The following EGFR variants were observed in gnomAD, a reference collection of about 807,000 sequenced individuals.
The protein encoded by EGFR is avian erythroblastic leukemia viral (v-erb-b) oncogene homolog.
A neutral mutation model predicts 143.0 loss-of-function variants in EGFR; 58 were observed. That is an observed-to-expected ratio of 0.41 (90% confidence interval 0.33 to 0.50). The LOEUF is 0.50. EGFR is among the 20% of genes least tolerant of loss of function. The pLI, the probability that EGFR is intolerant of heterozygous loss-of-function variation, is 0.39. For missense variants in EGFR, 1,307 were observed against 1,579.0 expected (o/e 0.83, Z 2.92); for synonymous variants, 613 against 594.4 (o/e 1.03, Z -0.45).
chr7:55,208,933 C>T lies in EGFR; in HGVS notation c.*3316C>T, dbSNP rs1788174333. 1 of 152,126 alleles carries T rather than the reference C, an allele frequency of 6.6e-6. No homozygotes were observed. The highest frequency in any genetic ancestry group is 2.4e-5 in the African/African-American group (1 of 41,430). The allele number at this position is 152,126 out of a possible 1,614,324, so 9.4% of individuals were successfully genotyped here. On this transcript the variant is annotated 3_prime_UTR_variant, in exon 28 of 28. Transcript: ENST00000275493. ...AGCACCCCCTGGTTATTGCAACATT[C>T]ATCAAAGTTTCTAGAACCTCTGGCC...
At chr7:55,182,368 C>T (rs1030310373) in intron 20 of EGFR, 8 of 152,356 alleles carry the variant, frequency 5.3e-5, no homozygotes, top group African/African-American at 1.4e-4. Flanking sequence ...CCCACCCGGC[C>T]TGGGCAGGTC....
At chr7:55,159,422 A>G (rs1785590651) in intron 11 of EGFR, among the ~76,000 whole-genome samples, 2 of 152,192 alleles carry the variant, frequency 1.3e-5, no homozygotes, top group Non-Finnish European at 2.9e-5. Flanking sequence ...CATCTGATAT[A>G]CACATTGGAC....
At chr7:55,042,348 T>C (rs902630774) in intron 1 of EGFR, among the ~76,000 whole-genome samples, 1 of 152,208 alleles carries the variant, frequency 6.6e-6, no homozygotes, top group Non-Finnish European at 1.5e-5. Context: ...ACATCCTTGC[T>C]GTCTGATTGA....
intron 1 of EGFR, among the ~76,000 whole-genome samples, chr7:55,053,959 A>T (rs1444049173): frequency 6.6e-6 from 1 of 152,166 alleles, no homozygotes; most frequent in Non-Finnish European, 1.5e-5. Flanking sequence ...GTCTCTGAGG[A>T]AGAGTTTTCA....
intron 1 of EGFR, among the ~76,000 whole-genome samples, chr7:55,132,567 A>G (rs1793909677): frequency 6.6e-6 from 1 of 152,210 alleles, no homozygotes; most frequent in Non-Finnish European, 1.5e-5. Flanking sequence ...ACTTGTAGGC[A>G]AGGTAGTCTT....
chr7:55,121,294 C>T (rs994335884), intron 1 of EGFR, among the ~76,000 whole-genome samples: 1 of 152,188 alleles, frequency 6.6e-6, no homozygotes, highest in Non-Finnish European at 1.5e-5. Context: ...CAGGAAAAGG[C>T]GGCTCTCTTC....
At position 55,077,518 on chromosome 7, in the gene EGFR, T is replaced by G. The variant is rs185620776; in HGVS notation, c.88+58153T>G. On this transcript the variant is annotated intron_variant, in intron 1 of 27. Coordinates refer to ENST00000275493, the MANE Select transcript of EGFR (RefSeq NM_005228.5). ...GACAGTGAAAAGTGTGTGTGTGTTG[T>G]GTGCCCTTTTGCACACCCTGCCTCA... Among the ~76,000 whole-genome samples the G allele has an allele frequency of 3.1e-3, 479 of 152,344 alleles. 4 individuals are homozygous for G. The highest frequency in any genetic ancestry group is 0.011 in the African/African-American group (465 of 41,580).
At chr7:55,157,425 G>C (rs1357752446) in intron 10 of EGFR, among the ~76,000 whole-genome samples, 1 of 152,264 alleles carries the variant, frequency 6.6e-6, no homozygotes. Flanking sequence ...AGCCAGGGGG[G>C]CGGCGGGAGA....
At chr7:55,125,127 G>T (rs144673665) in intron 1 of EGFR, among the ~76,000 whole-genome samples, 5 of 152,228 alleles carry the variant, frequency 3.3e-5, no homozygotes, top group Admixed American at 3.3e-4. Flanking sequence ...ACTCTCAGTG[G>T]TGGGACTCCA....
chr7:55,178,056 G>A (rs1584232393), intron 19 of EGFR, among the ~76,000 whole-genome samples: 2 of 152,240 alleles, frequency 1.3e-5, no homozygotes, highest in East Asian at 1.9e-4. Flanking sequence ...CGACACCCAC[G>A]CCCCCCGCTC....
intron 27 of EGFR, 57 bp downstream of exon 27, chr7:55,202,682 G>A (rs756359054): frequency 6.6e-7 from 1 of 1,509,908 alleles, no homozygotes; most frequent in Non-Finnish European, 9.0e-7. Flanking sequence ...CCACTCAGCA[G>A]CAGCCAGTCT....
chr7:55,163,914 G>C (rs764098116), intron 14 of EGFR, 91 bp downstream of exon 14: 25 of 1,427,048 alleles, frequency 1.8e-5, no homozygotes, highest in Non-Finnish European at 2.5e-5. Flanking sequence ...CATCCTGTGT[G>C]GGCAGGACGG....
intron 1 of EGFR, among the ~76,000 whole-genome samples, chr7:55,082,777 G>A (rs899973120): frequency 3.3e-5 from 5 of 152,198 alleles, no homozygotes; most frequent in Admixed American, 3.3e-4. Context: ...CATGGCTTAA[G>A]AAGCTGCAGA....
At chr7:55,153,941 T>G in intron 6 of EGFR, 70 bp from the exon 7 acceptor site, 1 of 1,608,980 alleles carries the variant, frequency 6.2e-7, no homozygotes, top group Non-Finnish European at 8.5e-7. Context: ...AACACCGTGC[T>G]GCGCTTCCTC....
chr7:55,107,474 A>G (rs1562719711), intron 1 of EGFR, among the ~76,000 whole-genome samples: 1 of 152,200 alleles, frequency 6.6e-6, no homozygotes, highest in East Asian at 1.9e-4. Flanking sequence ...TCAGATGTTC[A>G]CGTCTAATGA....
At position 55,181,373 on chromosome 7, in the gene EGFR, C is replaced by T. The variant is rs201469865; in HGVS notation, c.2364C>T (p.Leu788=). ...LGICLTSTVQ[L]ITQLMPFGCL... ...TCTGCCTCACCTCCACCGTGCAGCTCATCACGCAGCTCATGCCCTTCGGCT... is the reference window on the plus strand; with the variant it reads ...TCTGCCTCACCTCCACCGTGCAGCTTATCACGCAGCTCATGCCCTTCGGCT... The change falls in exon 20 of 28, where the codon CTC becomes CTT. Residue 788 remains leucine (L), a synonymous_variant. Transcript: ENST00000275493. 8.1e-6 allele frequency: 13 copies of T among 1,614,132 alleles called. No homozygotes were observed. The East Asian group carries it at 2.2e-4, about 28-fold the overall frequency.
At chr7:55,168,716 T>A (rs963886058) in intron 15 of EGFR, 19 of 821,532 alleles carry the variant, frequency 2.3e-5, no homozygotes, top group Middle Eastern at 3.1e-4. Context: ...AGTATATAGT[T>A]TGATATAATC....
intron 22 of EGFR, among the ~76,000 whole-genome samples, chr7:55,196,684 G>A (rs1345768235): frequency 6.6e-6 from 1 of 151,704 alleles, no homozygotes; most frequent in Admixed American, 6.6e-5. Context: ...TCCATGTTGA[G>A]TTTATTTTTG....
intron 1 of EGFR, among the ~76,000 whole-genome samples, chr7:55,039,925 C>T (rs1787805124): frequency 1.3e-5 from 2 of 152,206 alleles, no homozygotes; most frequent in African/African-American, 2.4e-5. Context: ...GCTAATTAAA[C>T]ACTGAAGCAG....
Sources: gnomAD v4.1 joint callset for allele counts (sites outside exome capture counted in the v4.1 genomes callset) on GRCh38, gnomAD v4.1.1 for gene constraint, MANE v1.5 for transcripts, NCBI Gene and HGNC (gene_info 2026-07-23, HGNC 2026-07-21) for gene names.